CELF4: variants seen among roughly 807,000 people sequenced by gnomAD.
The protein encoded by CELF4 is CUG-BP- and ETR-3-like factor 4.
Under a neutral mutation model 59.9 loss-of-function variants are expected in CELF4, and 18 were observed. The ratio of observed to expected loss-of-function variants is 0.30; its 90% CI spans 0.21 to 0.45. The LOEUF (loss-of-function observed/expected upper bound fraction) is 0.45, where lower values mean the gene tolerates loss of function less well. CELF4 is among the 20% of genes least tolerant of loss of function. The pLI, the probability that CELF4 is intolerant of heterozygous loss-of-function variation, is 1.00. For synonymous variants in CELF4, 261 were observed against 267.1 expected (o/e 0.98, Z 0.22); for missense variants, 456 against 689.0 (o/e 0.66, Z 3.79).
At chr18:37,273,727 G>A (rs146278000) in intron 6 of CELF4, 10 of 987,548 alleles carry the variant, frequency 1.0e-5, no homozygotes, top group Admixed American at 6.1e-5. Context: ...ACCCAGAACC[G>A]TGGCCTGCCT....
chr18:37,361,816 A>G (rs1233913687), intron 2 of CELF4, among the ~76,000 whole-genome samples: 1 of 139,976 alleles, frequency 7.1e-6, no homozygotes, highest in Non-Finnish European at 1.6e-5. Context: ...AACCTGGCCC[A>G]TTAGAGCCAT....
chr18:37,277,764 C>G (rs1260770999), intron 3 of CELF4, among the ~76,000 whole-genome samples: 1 of 152,150 alleles, frequency 6.6e-6, no homozygotes. Flanking sequence ...AGTGTTCTCC[C>G]TACCTCCCCC....
chr18:37,507,647 C>T (rs549990751), intron 1 of CELF4, among the ~76,000 whole-genome samples: 1 of 152,324 alleles, frequency 6.6e-6, no homozygotes, highest in East Asian at 1.9e-4. Flanking sequence ...AATCGGGCTC[C>T]TCCTAGAGAA....
intron 1 of CELF4, among the ~76,000 whole-genome samples, chr18:37,498,545 C>T (rs1007292345): frequency 4.0e-5 from 6 of 151,548 alleles, no homozygotes; most frequent in African/African-American, 1.5e-4. Flanking sequence ...CCCTCCCTTC[C>T]TGTCATTCTG....
chr18:37,304,971 G>T (rs573764163), intron 3 of CELF4, among the ~76,000 whole-genome samples: 14 of 152,332 alleles, frequency 9.2e-5, no homozygotes, highest in Admixed American at 8.5e-4. Flanking sequence ...AGGTGGGGGA[G>T]CATGGCTCAG....
At chr18:37,292,484 G>A (rs2095403351) in intron 3 of CELF4, among the ~76,000 whole-genome samples, 1 of 152,192 alleles carries the variant, frequency 6.6e-6, no homozygotes, top group Admixed American at 6.5e-5. Context: ...TGGGAAGACT[G>A]TGGGTGGAGG....
intron 1 of CELF4, among the ~76,000 whole-genome samples, chr18:37,491,176 C>T (rs868493211): frequency 4.4e-5 from 6 of 136,492 alleles, no homozygotes; most frequent in Non-Finnish European, 8.2e-5. Flanking sequence ...AGAGGGATGC[C>T]GTGCCCACCT....
At chr18:37,507,526 G>A (rs1222098125) in intron 1 of CELF4, among the ~76,000 whole-genome samples, 2 of 152,152 alleles carry the variant, frequency 1.3e-5, no homozygotes, top group African/African-American at 4.8e-5. Flanking sequence ...AATCCTCCAT[G>A]ACTTCCCATT....
intron 1 of CELF4, among the ~76,000 whole-genome samples, chr18:37,563,580 A>G (rs551237212): frequency 7.9e-5 from 12 of 151,920 alleles, no homozygotes; most frequent in South Asian, 2.1e-4. Flanking sequence ...GGAGGGGGGG[A>G]AAAAGAAAGT....
At chr18:37,353,671 G>T (rs1295448855) in intron 2 of CELF4, among the ~76,000 whole-genome samples, 1 of 149,456 alleles carries the variant, frequency 6.7e-6, no homozygotes, top group Admixed American at 6.7e-5. Context: ...CTGGGGATGA[G>T]GGGGAATGAT....
chr18:37,359,741 GT>G (rs1290561804), intron 2 of CELF4, among the ~76,000 whole-genome samples: 1 of 152,140 alleles, frequency 6.6e-6, no homozygotes, highest in Non-Finnish European at 1.5e-5. Flanking sequence ...TAGAGAAAGG[GT>G]TTCACCCTGT....
intron 1 of CELF4, among the ~76,000 whole-genome samples, chr18:37,513,972 G>A (rs1302479707): frequency 7.7e-6 from 1 of 129,702 alleles, no homozygotes; most frequent in Non-Finnish European, 1.6e-5. Context: ...GTGTGTGTGT[G>A]TGTGTGTGTG....
At chr18:37,447,520 T>C (rs1056277398) in intron 2 of CELF4, among the ~76,000 whole-genome samples, 1 of 152,192 alleles carries the variant, frequency 6.6e-6, no homozygotes, top group African/African-American at 2.4e-5. Flanking sequence ...CTCCTGCAGC[T>C]GGAGGGAGCG....
intron 2 of CELF4, among the ~76,000 whole-genome samples, chr18:37,418,765 C>T (rs925867875): frequency 6.6e-6 from 1 of 152,210 alleles, no homozygotes; most frequent in African/African-American, 2.4e-5. Flanking sequence ...GATCAGTTTT[C>T]TAAGAGGAGA....
intron 2 of CELF4, among the ~76,000 whole-genome samples, chr18:37,466,328 G>A (rs532135695): frequency 4.0e-5 from 6 of 151,722 alleles, no homozygotes; most frequent in Non-Finnish European, 7.4e-5. Context: ...CTGAGGCCAG[G>A]AGTCTCCAGA....
At chr18:37,389,249 T>C (rs967345081) in intron 2 of CELF4, among the ~76,000 whole-genome samples, 11 of 152,098 alleles carry the variant, frequency 7.2e-5, no homozygotes, top group Admixed American at 1.3e-4. Flanking sequence ...AAATTACTGA[T>C]ACCAATCTCC....
At chr18:37,453,937 C>T (rs2099771145) in intron 2 of CELF4, among the ~76,000 whole-genome samples, 1 of 152,124 alleles carries the variant, frequency 6.6e-6, no homozygotes, top group African/African-American at 2.4e-5. Context: ...CTCCCCGCTC[C>T]CTCCACCCCC....
intron 2 of CELF4, among the ~76,000 whole-genome samples, chr18:37,366,616 G>C (rs1262985794): frequency 1.3e-5 from 2 of 152,172 alleles, no homozygotes; most frequent in Non-Finnish European, 2.9e-5. Context: ...TGGAGCCTGG[G>C]AGAAGGTGGA....
chr18:37,364,366 C>T (rs535338196), intron 2 of CELF4, among the ~76,000 whole-genome samples: 1 of 152,350 alleles, frequency 6.6e-6, no homozygotes, highest in South Asian at 2.1e-4. Flanking sequence ...CTGGCAGCCA[C>T]TTCAGGAATT....
Sources: gnomAD v4.1 joint callset for allele counts (sites outside exome capture counted in the v4.1 genomes callset) on GRCh38, gnomAD v4.1.1 for gene constraint, MANE v1.5 for transcripts, NCBI Gene and HGNC (gene_info 2026-07-23, HGNC 2026-07-21) for gene names.